COL4A5: variants seen among roughly 807,000 people sequenced by gnomAD.
COL4A5 encodes the protein collagen alpha-5(IV) chain.
COL4A5 carries 26 observed loss-of-function variants against 130.2 expected under a neutral mutation model. The observed-to-expected ratio is 0.20, with a 90% confidence interval of 0.15 to 0.28. The LOEUF (loss-of-function observed/expected upper bound fraction) is 0.28. Among genes scored for constraint, COL4A5 ranks in the 10% least tolerant of loss-of-function variants. COL4A5 has a pLI of 1.00. For missense variants in COL4A5, 1,131 were observed against 1,344.3 expected (o/e 0.84, Z 2.48); for synonymous variants, 496 against 439.6 (o/e 1.13, Z -1.60).
chrX:108,548,167 G>T (rs1280196606), intron 2 of COL4A5, among the ~76,000 whole-genome samples: 1 of 111,912 alleles, frequency 8.9e-6, no homozygotes, highest in Non-Finnish European at 1.9e-5. Context: ...CACCTCAGTT[G>T]GAAATGCAGA....
intron 1 of COL4A5, among the ~76,000 whole-genome samples, chrX:108,524,913 T>G (rs1394857183): frequency 8.9e-6 from 1 of 112,040 alleles, no homozygotes; most frequent in Admixed American, 9.5e-5. Flanking sequence ...GCCTAGCATA[T>G]GATCTATCCT....
At chrX:108,557,373 C>A (rs1157635077) in intron 2 of COL4A5, among the ~76,000 whole-genome samples, 1 of 111,378 alleles carries the variant, frequency 9.0e-6, no homozygotes, top group African/African-American at 3.3e-5. Flanking sequence ...ACTAAATTAT[C>A]ATAATTTAAA....
At chrX:108,600,980 G>A (rs1455183666) in intron 25 of COL4A5, among the ~76,000 whole-genome samples, 2 of 111,533 alleles carry the variant, frequency 1.8e-5, no homozygotes, top group Non-Finnish European at 3.8e-5. Context: ...CGGTCCCTCA[G>A]CTGATTGGAT....
At chrX:108,447,348 T>C (rs1000668574) in intron 1 of COL4A5, among the ~76,000 whole-genome samples, 1 of 111,858 alleles carries the variant, frequency 8.9e-6, no homozygotes, top group African/African-American at 3.3e-5. Flanking sequence ...ACATACGGAA[T>C]GTGAGGTCCC....
chrX:108,591,517 G>T (rs1305619792), intron 20 of COL4A5, 44 bp from the exon 21 acceptor site: 2 of 1,037,010 alleles, frequency 1.9e-6, no homozygotes, highest in Non-Finnish European at 2.7e-6. Flanking sequence ...TAATCTTCTG[G>T]ATATTTCACA....
In COL4A5 at chrX:108,666,522, G is replaced by A. The variant is rs104886235; in HGVS notation, c.3481G>A (p.Gly1161Arg). ...TGGTGGAGGTCATCCTGGGCAACCA[G>A]GGCCTCCAGGCGAAAAAGGCAAACC... ...VGGGGHPGQP[G>R]PPGEKGKPGQ... Residue 1161 changes from glycine to arginine, a missense_variant, in exon 39 of 53, where the codon GGG becomes AGG. By Grantham distance (125) the Gly-to-Arg change is moderately radical. Transcript: ENST00000328300. 8.3e-7 allele frequency: 1 copy of A among 1,207,939 alleles called. No homozygotes were observed. Among genetic ancestry groups the A allele is most frequent in the Non-Finnish European group, 1.1e-6 (1 of 893,502 alleles).
At chrX:108,493,336 A>G (rs1306137209) in intron 1 of COL4A5, among the ~76,000 whole-genome samples, 2 of 111,763 alleles carry the variant, frequency 1.8e-5, no homozygotes, top group Non-Finnish European at 3.8e-5. Context: ...AAGCGACTTC[A>G]GTAGAATAAG....
chrX:108,635,478 A>G (rs1436638408), intron 36 of COL4A5, among the ~76,000 whole-genome samples: 1 of 111,601 alleles, frequency 9.0e-6, no homozygotes, highest in Admixed American at 9.6e-5. Context: ...AATTGTTCTA[A>G]CCTTCATAAC....
Position 108,568,635 on chromosome X carries a change from C to T in COL4A5, c.283C>T (p.Pro95Ser). 2 of 1,190,994 alleles carry T rather than the reference C, an allele frequency of 1.7e-6. No individual in the cohort carries two copies. Among genetic ancestry groups the T allele is most frequent in the Non-Finnish European group, 2.3e-6 (2 of 877,408 alleles). Residue 95 changes from proline (P) to serine (S), a missense_variant, in exon 5 of 53, where the codon CCT becomes TCT. Transcript: ENST00000328300. Reference sequence around the variant, plus strand: ...ATTTTATTTCTTCTTATAGGGTCCTCCTGGACTTCCTGGATTTCCAGGGAC... The same window carrying T: ...ATTTTATTTCTTCTTATAGGGTCCTTCTGGACTTCCTGGATTTCCAGGGAC... ...PPGPKGIRGP[P>S]GLPGFPGTPG...
intron 2 of COL4A5, among the ~76,000 whole-genome samples, chrX:108,547,564 A>T (rs1361812408): frequency 8.9e-6 from 1 of 112,088 alleles, no homozygotes; most frequent in Non-Finnish European, 1.9e-5. Context: ...TCAGGGACCC[A>T]CTTGAGGAGG....
intron 1 of COL4A5, among the ~76,000 whole-genome samples, chrX:108,463,495 T>C (rs2064673876): frequency 1.8e-5 from 2 of 111,404 alleles, no homozygotes; most frequent in Non-Finnish European, 3.8e-5. Flanking sequence ...AGACAGGGTG[T>C]TGTGGGAGGG....
Position 108,578,127 on chromosome X carries a change from A to C in COL4A5, c.687+8A>C, listed in dbSNP as rs2066184053. 1 of 1,208,254 alleles carries C rather than the reference A, an allele frequency of 8.3e-7. No individual in the cohort carries two copies. On this transcript the variant is annotated splice_region_variant and intron_variant, in intron 12 of 52. Transcript: ENST00000328300. ...GGACCCAAAGGTGAAAAAGTGAGTA[A>C]AGAAAGAGAGCTGGTTATTCAGCCC...
At chrX:108,500,616 T>G (rs942343448) in intron 1 of COL4A5, among the ~76,000 whole-genome samples, 1 of 111,724 alleles carries the variant, frequency 9.0e-6, no homozygotes, top group Non-Finnish European at 1.9e-5. Flanking sequence ...TGGCTCCAGT[T>G]TTTCAGGACA....
chrX:108,490,621 T>C (rs2064984920), intron 1 of COL4A5, among the ~76,000 whole-genome samples: 1 of 112,324 alleles, frequency 8.9e-6, no homozygotes, highest in Non-Finnish European at 1.9e-5. Context: ...GCTATACTTT[T>C]TAATGAGTAT....
In COL4A5 at chrX:108,477,772, C is replaced by T. The variant is rs781535999; in HGVS notation, c.81+37566C>T. Among the ~76,000 whole-genome samples, 18 of 101,553 alleles carry T rather than the reference C, an allele frequency of 1.8e-4. No individual in the cohort carries two copies. In the South Asian group the frequency reaches 4.4e-3, roughly 25 times the overall value. 88.2% of individuals were successfully genotyped at this position (101,553 alleles called of 115,157 possible). ...CAGAGGTTGCAGTGAGCTGAGATCG[C>T]GCCACTGCACTCCAGCCTGGGCAAC... On this transcript the variant is annotated intron_variant, in intron 1 of 52. Transcript: ENST00000328300.
intron 21 of COL4A5, among the ~76,000 whole-genome samples, chrX:108,593,150 C>T (rs140060673): frequency 1.8e-5 from 2 of 111,173 alleles, no homozygotes; most frequent in Admixed American, 1.9e-4. Context: ...TTTTGTAGGA[C>T]ATAAACACTA....
intron 35 of COL4A5, 70 bp from the exon 36 acceptor site, chrX:108,626,140 A>T (rs2067148995): frequency 1.9e-6 from 2 of 1,054,445 alleles, no homozygotes; most frequent in African/African-American, 3.7e-5. Context: ...TTGCTTTGTC[A>T]TATGCATCTT....
chrX:108,526,777 T>C (rs1201996701), intron 1 of COL4A5, among the ~76,000 whole-genome samples: 1 of 100,944 alleles, frequency 9.9e-6, no homozygotes, highest in Non-Finnish European at 2.0e-5. Context: ...TTTCCTTTCT[T>C]CTTTTTTTTT....
At chrX:108,555,808 A>G (rs2065817059) in intron 2 of COL4A5, among the ~76,000 whole-genome samples, 1 of 112,004 alleles carries the variant, frequency 8.9e-6, no homozygotes, top group Non-Finnish European at 1.9e-5. Context: ...AGTACATTAG[A>G]TTTTTATTCT....
Sources: gnomAD v4.1 joint callset for allele counts (sites outside exome capture counted in the v4.1 genomes callset) on GRCh38, gnomAD v4.1.1 for gene constraint, MANE v1.5 for transcripts, NCBI Gene and HGNC (gene_info 2026-07-23, HGNC 2026-07-21) for gene names.